RIMS1: variants seen among roughly 807,000 people sequenced by gnomAD.
RIMS1 encodes the protein regulating synaptic membrane exocytosis protein 1.
A neutral mutation model predicts 214.1 loss-of-function variants in RIMS1; 83 were observed. That is an observed-to-expected ratio of 0.39 (90% CI 0.32 to 0.47). The LOEUF (loss-of-function observed/expected upper bound fraction) is 0.47. Among genes scored for constraint, RIMS1 ranks in the 20% least tolerant of loss-of-function variants. RIMS1 has a pLI of 0.99. For missense variants in RIMS1, 2,050 were observed against 2,161.8 expected (o/e 0.95, Z 1.03); for synonymous variants, 793 against 786.8 (o/e 1.01, Z -0.13).
chr6:71,949,441 A>G (rs979836960), intron 1 of RIMS1, among the ~76,000 whole-genome samples: 7 of 152,168 alleles, frequency 4.6e-5, no homozygotes, highest in African/African-American at 1.4e-4. Flanking sequence ...ATTTTCTTTT[A>G]CACACTGAAG....
intron 4 of RIMS1, among the ~76,000 whole-genome samples, chr6:72,161,339 T>G (rs2045373428): frequency 7.1e-6 from 1 of 140,284 alleles, no homozygotes; most frequent in Admixed American, 7.3e-5. Flanking sequence ...AAAAACGAGC[T>G]CCTGGATTCA....
chr6:72,250,485 A>G (rs779217181), intron 13 of RIMS1, 25 bp downstream of exon 13: 1 of 1,466,862 alleles, frequency 6.8e-7, no homozygotes, highest in South Asian at 1.3e-5. Context: ...TAGAAAAAAA[A>G]AATCTTAAAA....
At chr6:72,002,871 C>G (rs1192005217) in intron 2 of RIMS1, among the ~76,000 whole-genome samples, 1 of 152,190 alleles carries the variant, frequency 6.6e-6, no homozygotes, top group Non-Finnish European at 1.5e-5. Flanking sequence ...TCAGAAATCC[C>G]ATAAAGGAAT....
intron 31 of RIMS1, among the ~76,000 whole-genome samples, chr6:72,397,198 AT>A (rs138367446): frequency 0.027 from 4,176 of 152,230 alleles, 85 homozygotes; most frequent in Non-Finnish European, 0.039. Context: ...ACACCCAGAT[AT>A]TTTCACAGAT....
At chr6:72,273,718 C>G (rs545342169) in intron 22 of RIMS1, among the ~76,000 whole-genome samples, 1 of 152,112 alleles carries the variant, frequency 6.6e-6, no homozygotes, top group Non-Finnish European at 1.5e-5. Context: ...TTATCAGTAT[C>G]GTTTACTTAC....
intron 4 of RIMS1, among the ~76,000 whole-genome samples, chr6:72,151,289 G>A (rs9446579): frequency 0.02 from 3,029 of 152,204 alleles, 97 homozygotes; most frequent in African/African-American, 0.066. Context: ...TGATCCGCCC[G>A]CCTCTGCCTC....
chr6:72,238,039 A>ATG (rs2065018126), intron 9 of RIMS1, 117 bp downstream of exon 9: 12 of 509,394 alleles, frequency 2.4e-5, no homozygotes, highest in Non-Finnish European at 4.1e-5. Context: ...GTATGTATGT[A>ATG]TATATCAATT....
chr6:72,260,925 G>T (rs2077692667), intron 19 of RIMS1, 158 bp downstream of exon 19: 1 of 1,477,318 alleles, frequency 6.8e-7, no homozygotes, highest in Non-Finnish European at 9.0e-7. Flanking sequence ...TTATGGAAAA[G>T]GTTCCAAATA....
In RIMS1 at chr6:72,291,927, C is replaced by T; in HGVS notation, c.3738-7C>T. 1 of 1,551,524 alleles carries T rather than the reference C, an allele frequency of 6.4e-7. No individual in the cohort carries two copies. On this transcript the variant is annotated splice_region_variant and splice_polypyrimidine_tract_variant and intron_variant, in intron 25 of 33. Transcript: ENST00000521978. Reference sequence around the variant, plus strand: ...TGTTTCATGCCCGCTTTGCTTTTTGCCTGCAGAATGCACCGACAGAGAAGT... The same window carrying T: ...TGTTTCATGCCCGCTTTGCTTTTTGTCTGCAGAATGCACCGACAGAGAAGT...
At chr6:72,221,324 T>TGTGA (rs1562705390) in intron 6 of RIMS1, among the ~76,000 whole-genome samples, 5 of 140,314 alleles carry the variant, frequency 3.6e-5, no homozygotes, top group African/African-American at 1.4e-4. Flanking sequence ...GTGTGTGTGA[T>TGTGA]TTTTTTTTTC....
At chr6:71,959,134 A>G (rs533024315) in intron 1 of RIMS1, among the ~76,000 whole-genome samples, 1 of 152,272 alleles carries the variant, frequency 6.6e-6, no homozygotes, top group East Asian at 1.9e-4. Flanking sequence ...TATATTTCTC[A>G]TGTGGCACTT....
At chr6:72,106,647 T>A (rs916727863) in intron 4 of RIMS1, among the ~76,000 whole-genome samples, 3 of 152,206 alleles carry the variant, frequency 2.0e-5, no homozygotes, top group Non-Finnish European at 2.9e-5. Context: ...TTGCTGTTTT[T>A]ATTGTTTGTT....
intron 2 of RIMS1, among the ~76,000 whole-genome samples, chr6:72,016,549 A>G (rs1412764596): frequency 6.6e-6 from 1 of 152,164 alleles, no homozygotes; most frequent in Non-Finnish European, 1.5e-5. Context: ...CTTATTCAGT[A>G]TCTTTTCTTG....
chr6:72,001,610 A>G (rs1163983980), intron 2 of RIMS1, among the ~76,000 whole-genome samples: 1 of 152,192 alleles, frequency 6.6e-6, no homozygotes, highest in African/African-American at 2.4e-5. Flanking sequence ...TAATAAGCAT[A>G]AAGAAGGATG....
intron 1 of RIMS1, among the ~76,000 whole-genome samples, chr6:71,954,500 A>C (rs950266657): frequency 2.0e-5 from 3 of 152,190 alleles, no homozygotes; most frequent in Non-Finnish European, 2.9e-5. Flanking sequence ...ATTTACATTT[A>C]TCCTTCTGAT....
intron 4 of RIMS1, among the ~76,000 whole-genome samples, chr6:72,124,596 C>T (rs1562370330): frequency 6.6e-6 from 1 of 150,426 alleles, no homozygotes; most frequent in African/African-American, 2.4e-5. Context: ...CCATTCTCCC[C>T]ATCACTTTCA....
intron 29 of RIMS1, among the ~76,000 whole-genome samples, chr6:72,334,288 C>T (rs1221455956): frequency 6.6e-6 from 1 of 151,772 alleles, no homozygotes; most frequent in Non-Finnish European, 1.5e-5. Flanking sequence ...AATAATTGAA[C>T]TGTACTTGCT....
intron 2 of RIMS1, among the ~76,000 whole-genome samples, chr6:71,988,257 C>A (rs1321975739): frequency 6.6e-6 from 1 of 152,140 alleles, no homozygotes; most frequent in East Asian, 1.9e-4. Context: ...CAAAATTATA[C>A]CACCAGCTTT....
intron 6 of RIMS1, among the ~76,000 whole-genome samples, chr6:72,216,040 A>G (rs78911643): frequency 0.011 from 1,697 of 152,330 alleles, 10 homozygotes; most frequent in Non-Finnish European, 0.017. Flanking sequence ...TTGATTTTTC[A>G]GCAAATAATC....
Sources: gnomAD v4.1 joint callset for allele counts (sites outside exome capture counted in the v4.1 genomes callset) on GRCh38, gnomAD v4.1.1 for gene constraint, MANE v1.5 for transcripts, NCBI Gene and HGNC (gene_info 2026-07-23, HGNC 2026-07-21) for gene names.